PARD3B: variants seen among roughly 807,000 people sequenced by gnomAD.
The protein encoded by PARD3B is par-3 family cell polarity regulator beta, also known as partitioning defective 3 homolog B.
A neutral mutation model predicts 130.2 loss-of-function variants in PARD3B; 103 were observed. The ratio of observed to expected loss-of-function variants is 0.79; its 90% CI spans 0.67 to 0.93. The LOEUF is 0.93. Among genes scored for constraint, PARD3B ranks in the 40% least tolerant of loss-of-function variants. PARD3B has a pLI of 0.00. For missense variants in PARD3B, 1,609 were observed against 1,499.2 expected (o/e 1.07, Z -1.21); for synonymous variants, 583 against 553.2 (o/e 1.05, Z -0.76).
intron 1 of PARD3B, among the ~76,000 whole-genome samples, chr2:204,671,356 G>A (rs1160464238): frequency 6.6e-6 from 1 of 152,076 alleles, no homozygotes; most frequent in Non-Finnish European, 1.5e-5. Context: ...TGAGATGGTG[G>A]GGGGCACCTA....
chr2:204,870,258 G>A (rs911560137), intron 2 of PARD3B, among the ~76,000 whole-genome samples: 3 of 152,136 alleles, frequency 2.0e-5, no homozygotes, highest in Non-Finnish European at 4.4e-5. Flanking sequence ...AAAGTGCTGA[G>A]CATGACAATT....
intron 18 of PARD3B, among the ~76,000 whole-genome samples, chr2:205,328,351 T>C (rs2043004154): frequency 6.6e-6 from 1 of 152,184 alleles, no homozygotes; most frequent in African/African-American, 2.4e-5. Flanking sequence ...CTGCTACAAT[T>C]TGCAATTTTC....
At chr2:205,413,576 A>G (rs925922187) in intron 19 of PARD3B, among the ~76,000 whole-genome samples, 11 of 152,194 alleles carry the variant, frequency 7.2e-5, no homozygotes, top group Admixed American at 4.6e-4. Flanking sequence ...AGACAAAGCT[A>G]TAGCGTTTAG....
At chr2:204,983,778 T>C (rs570705452) in intron 3 of PARD3B, among the ~76,000 whole-genome samples, 1 of 152,294 alleles carries the variant, frequency 6.6e-6, no homozygotes, top group South Asian at 2.1e-4. Context: ...GTATAGACAT[T>C]GTAAAATAAC....
intron 2 of PARD3B, among the ~76,000 whole-genome samples, chr2:204,804,744 G>A (rs1046233583): frequency 7.9e-5 from 12 of 152,116 alleles, no homozygotes; most frequent in South Asian, 2.1e-4. Context: ...CACAAAACAC[G>A]TCTTAAAACT....
chr2:205,474,443 G>A (rs1261899604), intron 20 of PARD3B, among the ~76,000 whole-genome samples: 4 of 152,042 alleles, frequency 2.6e-5, no homozygotes, highest in Non-Finnish European at 5.9e-5. Flanking sequence ...ACACATTTGA[G>A]TATTTTGCCT....
At chr2:204,605,566 A>G (rs2125109956) in intron 1 of PARD3B, among the ~76,000 whole-genome samples, 1 of 152,226 alleles carries the variant, frequency 6.6e-6, no homozygotes, top group African/African-American at 2.4e-5. Context: ...ATTATGGAAG[A>G]CTGTTTAGAC....
At chr2:205,255,645 G>C (rs1423317766) in intron 16 of PARD3B, among the ~76,000 whole-genome samples, 1 of 152,068 alleles carries the variant, frequency 6.6e-6, no homozygotes, top group Non-Finnish European at 1.5e-5. Context: ...TAATATTCTA[G>C]AGTAGCTCAC....
chr2:205,548,597 C>A (rs1405662988), intron 21 of PARD3B, among the ~76,000 whole-genome samples: 2 of 152,124 alleles, frequency 1.3e-5, no homozygotes, highest in African/African-American at 2.4e-5. Flanking sequence ...TATGCTCTTA[C>A]AATCTCTGGC....
chr2:205,046,513 T>C (rs1698795604), intron 3 of PARD3B, among the ~76,000 whole-genome samples: 1 of 151,618 alleles, frequency 6.6e-6, no homozygotes, highest in Admixed American at 6.6e-5. Context: ...AAGGAAGTTC[T>C]ATCTGGACAA....
At chr2:204,792,698 A>T (rs2042239482) in intron 2 of PARD3B, among the ~76,000 whole-genome samples, 1 of 152,136 alleles carries the variant, frequency 6.6e-6, no homozygotes, top group African/African-American at 2.4e-5. Flanking sequence ...TGTACCTAAA[A>T]TAAAAACTCA....
At chr2:204,771,927 A>G (rs2041404759) in intron 2 of PARD3B, among the ~76,000 whole-genome samples, 1 of 152,076 alleles carries the variant, frequency 6.6e-6, no homozygotes, top group Non-Finnish European at 1.5e-5. Flanking sequence ...GAAAGACAAA[A>G]GAAATTTTAT....
At chr2:204,916,007 C>G (rs73053153) in intron 2 of PARD3B, among the ~76,000 whole-genome samples, 10,541 of 152,158 alleles carry the variant, frequency 0.069, 992 homozygotes, top group African/African-American at 0.21. Context: ...CAGTAGCTGC[C>G]CCAGTCATAT....
At chr2:204,719,164 C>T (rs760037039) in intron 2 of PARD3B, among the ~76,000 whole-genome samples, 2 of 151,996 alleles carry the variant, frequency 1.3e-5, no homozygotes, top group Admixed American at 6.5e-5. Flanking sequence ...TTGTTAAAGA[C>T]GGGGCTTCTA....
intron 21 of PARD3B, among the ~76,000 whole-genome samples, chr2:205,522,649 C>G (rs1372357256): frequency 6.6e-6 from 1 of 152,070 alleles, no homozygotes; most frequent in African/African-American, 2.4e-5. Flanking sequence ...ACAAAAATAT[C>G]TTGGCTTGTG....
At chr2:204,548,761 T>C (rs576480112) in intron 1 of PARD3B, among the ~76,000 whole-genome samples, 9 of 152,330 alleles carry the variant, frequency 5.9e-5, no homozygotes, top group Non-Finnish European at 1.2e-4. Context: ...ATCTAGTTTC[T>C]GAGGCAAATA....
At chr2:205,273,782 T>C (rs1350010573) in intron 16 of PARD3B, among the ~76,000 whole-genome samples, 1 of 152,238 alleles carries the variant, frequency 6.6e-6, no homozygotes, top group Non-Finnish European at 1.5e-5. Context: ...ACTCACAATG[T>C]ATACAGTCGC....
intron 19 of PARD3B, among the ~76,000 whole-genome samples, chr2:205,432,334 G>C (rs1348902076): frequency 6.6e-6 from 1 of 152,126 alleles, no homozygotes; most frequent in Non-Finnish European, 1.5e-5. Flanking sequence ...CCTTTACCAT[G>C]TAAGTCAGAG....
In PARD3B at chr2:205,081,811, C is replaced by G. The variant is rs568826721; in HGVS notation, c.505-22615C>G. On this transcript the variant is annotated intron_variant, in intron 4 of 22. Transcript: ENST00000406610. ...CAGTTGATTAAATATTTTTGCCTCT[C>G]TATTTATGAGTGTTACTGGTCCCTG... is the stretch of plus-strand genomic sequence containing the variant. 5.4e-4 allele frequency among the ~76,000 whole-genome samples: 82 copies of G among 152,154 alleles called. 1 individual carries two copies. The South Asian group carries it at 0.012, about 22-fold the overall frequency.
Sources: allele counts gnomAD v4.1 joint callset (sites outside exome capture counted in the v4.1 genomes callset), GRCh38; gene constraint gnomAD v4.1.1; transcripts MANE v1.5; gene names NCBI Gene and HGNC (gene_info 2026-07-23, HGNC 2026-07-21).